AIG1: variants seen among roughly 807,000 people sequenced by gnomAD.
AIG1 encodes androgen induced 1.
In AIG1, 23 loss-of-function variants were observed where a neutral mutation model predicts 31.4. The observed-to-expected ratio is 0.73, with a 90% CI of 0.53 to 1.04. AIG1 has a LOEUF of 1.04. AIG1 is among the 50% of genes least tolerant of loss of function. The probability of loss-of-function intolerance (pLI) is 0.00; values close to 1 mark genes in which losing one functional copy is unlikely to be tolerated. For synonymous variants in AIG1, 100 were observed against 110.5 expected (o/e 0.90, Z 0.60); for missense variants, 274 against 295.0 (o/e 0.93, Z 0.52).
chr6:143,131,817 T>C (rs532219378), intron 1 of AIG1, among the ~76,000 whole-genome samples: 131 of 152,324 alleles, frequency 8.6e-4, no homozygotes, highest in Non-Finnish European at 1.5e-3. Context: ...GTAACCTTCC[T>C]GGGCACCTGA....
At position 143,337,374 on chromosome 6, in the gene AIG1, G is replaced by T. The variant is rs548088086; in HGVS notation, c.680-2265G>T. 2.6e-4 allele frequency among the ~76,000 whole-genome samples: 39 copies of T among 152,184 alleles called. No individual in the cohort carries two copies. In the South Asian group the frequency reaches 8.1e-3, roughly 32 times the overall value. ...TCTACTGTGGAGGTTGATTGGATCCGTGAGTCACGTACCTAATTTCGTTAG... is the reference window on the plus strand; with the variant it reads ...TCTACTGTGGAGGTTGATTGGATCCTTGAGTCACGTACCTAATTTCGTTAG... On this transcript the variant is annotated intron_variant, in intron 5 of 5. Transcript: ENST00000357847.
upstream of AIG1, chr6:143,060,857 C>G: frequency 2.7e-6 from 3 of 1,122,716 alleles, no homozygotes; most frequent in South Asian, 1.0e-4. Flanking sequence ...GGCGCCCGCC[C>G]CCGCGCGCCC....
Position 143,329,696 on chromosome 6 carries a change from G to GTTTT in AIG1, c.516-3585_516-3582dup, listed in dbSNP as rs1267034244. Among the ~76,000 whole-genome samples the GTTTT allele has an allele frequency of 1.3e-5, 2 of 148,508 alleles. No individual in the cohort carries two copies. Among genetic ancestry groups the GTTTT allele is most frequent in the African/African-American group, 4.9e-5 (2 of 40,860 alleles). ...CACCTGGATTTTTGTTTGTTTGTTT[G>GTTTT]TTTTATGACTCAAAAGCTAAGAATG... On this transcript the variant is annotated intron_variant, in intron 4 of 5. Transcript: ENST00000357847. The surrounding 1 kb of genome is among the most constrained non-coding windows in gnomAD (Gnocchi z 4.9).
chr6:143,248,944 G>C (rs578261953), intron 3 of AIG1, among the ~76,000 whole-genome samples: 1 of 152,162 alleles, frequency 6.6e-6, no homozygotes, highest in African/African-American at 2.4e-5. Flanking sequence ...TTTCAGCATC[G>C]TGGGCAGGTT....
At chr6:143,267,602 A>T (rs1184921046) in intron 3 of AIG1, among the ~76,000 whole-genome samples, 2 of 152,152 alleles carry the variant, frequency 1.3e-5, no homozygotes, top group African/African-American at 4.8e-5. Flanking sequence ...AGCTGAAAAG[A>T]TTCTCAAGGC....
intron 3 of AIG1, among the ~76,000 whole-genome samples, chr6:143,227,076 G>A (rs1793033165): frequency 7.0e-6 from 1 of 142,816 alleles, no homozygotes; most frequent in Non-Finnish European, 1.5e-5. Flanking sequence ...TTCTTCCAAT[G>A]TGGCCCAGAG....
intron 4 of AIG1, among the ~76,000 whole-genome samples, chr6:143,306,713 C>T (rs1010034529): frequency 3.4e-4 from 52 of 151,752 alleles, no homozygotes; most frequent in African/African-American, 1.1e-3. Context: ...ATCTTTGTGG[C>T]GTTCTCTGTA....
At chr6:143,321,280 GTATA>G (rs1294019970) in intron 4 of AIG1, among the ~76,000 whole-genome samples, 1 of 151,760 alleles carries the variant, frequency 6.6e-6, no homozygotes, top group African/African-American at 2.4e-5. Context: ...ATACCTTCTT[GTATA>G]TAAATCATAC....
At chr6:143,115,096 A>T (rs1781625398) in intron 1 of AIG1, among the ~76,000 whole-genome samples, 2 of 152,242 alleles carry the variant, frequency 1.3e-5, no homozygotes, top group South Asian at 2.1e-4. Context: ...TTCTCTTAAG[A>T]TTTAAATAAT....
At chr6:143,231,929 C>A (rs1459881663) in intron 3 of AIG1, among the ~76,000 whole-genome samples, 3 of 152,130 alleles carry the variant, frequency 2.0e-5, no homozygotes, top group Non-Finnish European at 4.4e-5. Flanking sequence ...GGCACAGATT[C>A]TAGGTGGAGA....
intron 4 of AIG1, among the ~76,000 whole-genome samples, chr6:143,314,149 G>T (rs1469336176): frequency 8.7e-6 from 1 of 115,298 alleles, no homozygotes. Flanking sequence ...AGGAGTTCAA[G>T]ATCAGCCTGG....
In AIG1 at chr6:143,113,224, A is replaced by G. The variant is rs9403444; in HGVS notation, c.142-23611A>G. On this transcript the variant is annotated intron_variant, in intron 1 of 5. Coordinates refer to ENST00000357847, the MANE Select transcript of AIG1 (RefSeq NM_016108.4). ...TCAAAAAAGAAAAAAAAAAAGAGAA[A>G]AAAGGCGTTTGCCTTTATGGTAATA... is the stretch of plus-strand genomic sequence containing the variant. 2.9e-3 allele frequency among the ~76,000 whole-genome samples: 443 copies of G among 152,092 alleles called. 10 individuals carry two copies. The East Asian group carries it at 0.053, about 18-fold the overall frequency.
intron 4 of AIG1, among the ~76,000 whole-genome samples, chr6:143,318,344 T>C (rs1477880283): frequency 6.6e-6 from 1 of 152,016 alleles, no homozygotes; most frequent in Non-Finnish European, 1.5e-5. Context: ...TTACAGCCAC[T>C]GATCTTCGAT....
chr6:143,251,294 C>T (rs562449047), intron 3 of AIG1, among the ~76,000 whole-genome samples: 19 of 152,232 alleles, frequency 1.2e-4, no homozygotes, highest in South Asian at 1.2e-3. Flanking sequence ...TCAGGTGGTC[C>T]GCCTGCCTCA....
rs910663485 is a variant in AIG1 at position 143,334,606 on chromosome 6, C to T, written c.679+1161C>T. 6.6e-6 allele frequency among the ~76,000 whole-genome samples: 1 copy of T among 152,190 alleles called. No individual in the cohort carries two copies. The highest frequency in any genetic ancestry group is 2.4e-5 in the African/African-American group (1 of 41,448). ...AGGCCACAGCTTGGGGAACAAGACA[C>T]TAATCTTTTAATAATGTTCCACCTG... On this transcript the variant is annotated intron_variant, in intron 5 of 5. Transcript: ENST00000357847. This position sits in a 1 kb window ranked among gnomAD's most constrained non-coding sequence, Gnocchi z 5.1.
At chr6:143,191,512 T>G (rs1238799317) in intron 3 of AIG1, among the ~76,000 whole-genome samples, 1 of 152,198 alleles carries the variant, frequency 6.6e-6, no homozygotes, top group Non-Finnish European at 1.5e-5. Context: ...TTATTTTATT[T>G]TCTTGGATCT....
chr6:143,132,924 C>T (rs532096344), intron 1 of AIG1, among the ~76,000 whole-genome samples: 1 of 151,556 alleles, frequency 6.6e-6, no homozygotes, highest in African/African-American at 2.4e-5. Flanking sequence ...TTTTTAATGT[C>T]TTATTTCTCT....
chr6:143,237,556 A>G (rs953250613), intron 3 of AIG1, among the ~76,000 whole-genome samples: 4 of 152,188 alleles, frequency 2.6e-5, no homozygotes, highest in East Asian at 1.9e-4. Flanking sequence ...TGTATTACCA[A>G]TATTTAGTAT....
At chr6:143,077,913 A>G (rs1282378359) in intron 1 of AIG1, among the ~76,000 whole-genome samples, 1 of 152,190 alleles carries the variant, frequency 6.6e-6, no homozygotes, top group Admixed American at 6.5e-5. Flanking sequence ...ATATGTCTCT[A>G]TCTACTGATG....
Sources: gnomAD v4.1 joint callset for allele counts (sites outside exome capture counted in the v4.1 genomes callset) on GRCh38, gnomAD v4.1.1 for gene constraint, Gnocchi (gnomAD v3.1) non-coding constraint, MANE v1.5 for transcripts, NCBI Gene and HGNC (gene_info 2026-07-23, HGNC 2026-07-21) for gene names.